The following GIGYF2 variants were observed in gnomAD, a reference collection of about 807,000 sequenced individuals.
GIGYF2 encodes the protein GRB10 interacting GYF protein 2.
GIGYF2 carries 25 observed loss-of-function variants against 208.1 expected under a neutral mutation model. The ratio of observed to expected loss-of-function variants is 0.12; its 90% CI spans 0.09 to 0.17. The LOEUF is 0.17. Among genes scored for constraint, GIGYF2 ranks in the 10% least tolerant of loss-of-function variants. The pLI is 1.00. For missense variants in GIGYF2, 1,302 were observed against 1,579.4 expected (o/e 0.82, Z 2.98); for synonymous variants, 534 against 543.8 (o/e 0.98, Z 0.25).
intron 20 of GIGYF2, among the ~76,000 whole-genome samples, chr2:232,817,622 A>G (rs1700953772): frequency 6.6e-6 from 1 of 152,212 alleles, no homozygotes; most frequent in Non-Finnish European, 1.5e-5. Context: ...TTTCTTATGT[A>G]AGTAGAATTA....
chr2:232,833,217 A>G (rs1701478757), intron 22 of GIGYF2, 124 bp downstream of exon 22: 1 of 468,600 alleles, frequency 2.1e-6, no homozygotes, highest in African/African-American at 2.1e-5. Flanking sequence ...AATATTTTAA[A>G]TTATTTATTT....
chr2:232,705,326 C>A (rs1400806310), intron 2 of GIGYF2: 1 of 152,192 alleles, frequency 6.6e-6, no homozygotes, highest in African/African-American at 2.4e-5. Context: ...TGAAATAATA[C>A]ATTTTTGTAT....
chr2:232,741,620 T>A (rs1697971585), intron 3 of GIGYF2, among the ~76,000 whole-genome samples: 1 of 152,054 alleles, frequency 6.6e-6, no homozygotes, highest in African/African-American at 2.4e-5. Context: ...TACTTGTATT[T>A]TTTAGTAGAG....
intron 8 of GIGYF2, among the ~76,000 whole-genome samples, chr2:232,782,061 G>C (rs1005714048): frequency 6.6e-6 from 1 of 152,124 alleles, no homozygotes; most frequent in Non-Finnish European, 1.5e-5. Flanking sequence ...TGGGGATCAG[G>C]TGCTATGTCT....
At chr2:232,784,271 C>G (rs973467944) in intron 8 of GIGYF2, among the ~76,000 whole-genome samples, 1 of 151,846 alleles carries the variant, frequency 6.6e-6, no homozygotes. Flanking sequence ...CAAGACCAAC[C>G]TAAACAACAT....
chr2:232,754,887 A>G (rs1195514716), intron 5 of GIGYF2, among the ~76,000 whole-genome samples: 1 of 141,118 alleles, frequency 7.1e-6, no homozygotes, highest in Non-Finnish European at 1.5e-5. Context: ...CCTATAAAGT[A>G]AAAAAAAAAA....
intron 8 of GIGYF2, among the ~76,000 whole-genome samples, chr2:232,782,036 G>T (rs1482267905): frequency 6.6e-6 from 1 of 152,118 alleles, no homozygotes; most frequent in Non-Finnish European, 1.5e-5. Flanking sequence ...TTATTTACAT[G>T]TGTGTCCATG....
chr2:232,781,455 A>G (rs1409543839), intron 8 of GIGYF2, among the ~76,000 whole-genome samples: 2 of 148,246 alleles, frequency 1.3e-5, no homozygotes, highest in Non-Finnish European at 3.0e-5. Flanking sequence ...ATGCAGTATA[A>G]TTTTTAGTTA....
chr2:232,749,178 G>A, intron 5 of GIGYF2, 96 bp downstream of exon 5: 3 of 772,242 alleles, frequency 3.9e-6, no homozygotes, highest in Non-Finnish European at 2.4e-6. Flanking sequence ...GGATTATCCT[G>A]CATCCTCATA....
chr2:232,773,214 T>A (rs1699343323), intron 8 of GIGYF2, among the ~76,000 whole-genome samples: 2 of 152,192 alleles, frequency 1.3e-5, no homozygotes, highest in Non-Finnish European at 2.9e-5. Flanking sequence ...CCTTATTTTG[T>A]TAGATTATTT....
chr2:232,700,512 T>A (rs886125132), intron 1 of GIGYF2: 2 of 152,214 alleles, frequency 1.3e-5, no homozygotes, highest in Non-Finnish European at 2.9e-5. Flanking sequence ...AAATTTTGAC[T>A]TTGTTTGCAG....
At chr2:232,712,025 T>C (rs1559375925) in intron 2 of GIGYF2, among the ~76,000 whole-genome samples, 3 of 152,158 alleles carry the variant, frequency 2.0e-5, no homozygotes, top group African/African-American at 2.4e-5. Context: ...TCAGCACTTA[T>C]CAGAAAAGCC....
intron 2 of GIGYF2, among the ~76,000 whole-genome samples, chr2:232,711,273 A>AT (rs1380910048): frequency 2.1e-5 from 2 of 97,096 alleles, no homozygotes; most frequent in Admixed American, 2.1e-4. Flanking sequence ...TTTTTTTTGT[A>AT]TTTTTTTATA....
intron 2 of GIGYF2, chr2:232,729,428 T>C: frequency 1.6e-6 from 1 of 609,500 alleles, no homozygotes; most frequent in South Asian, 3.1e-5. Flanking sequence ...GGTCTCTTTA[T>C]TTGATAATTA....
At chr2:232,763,347 G>A (rs1010288324) in intron 8 of GIGYF2, among the ~76,000 whole-genome samples, 1 of 151,966 alleles carries the variant, frequency 6.6e-6, no homozygotes, top group African/African-American at 2.4e-5. Context: ...TTTATTTGTG[G>A]GAGATACATT....
intron 25 of GIGYF2, among the ~76,000 whole-genome samples, chr2:232,845,027 A>G (rs1344063553): frequency 6.6e-6 from 1 of 152,074 alleles, no homozygotes; most frequent in Non-Finnish European, 1.5e-5. Context: ...TTCTTTCTTC[A>G]ATATACAGTG....
At chr2:232,791,234 A>G (rs1408585835) in intron 11 of GIGYF2, 24 bp from the exon 12 acceptor site, 1 of 1,614,048 alleles carries the variant, frequency 6.2e-7, no homozygotes, top group Non-Finnish European at 8.5e-7. Context: ...TCGTAAGTTC[A>G]ACTAAGATTA....
chr2:232,795,048 G>A, intron 13 of GIGYF2, 104 bp downstream of exon 13: 1 of 859,862 alleles, frequency 1.2e-6, no homozygotes, highest in Non-Finnish European at 2.0e-6. Context: ...TAGATTTTAA[G>A]TACTGGAAAA....
chr2:232,794,560 CT>C (rs1168488172), intron 12 of GIGYF2, among the ~76,000 whole-genome samples, 187 bp from the exon 13 acceptor site: 1 of 152,170 alleles, frequency 6.6e-6, no homozygotes, highest in Non-Finnish European at 1.5e-5. Flanking sequence ...TTTTGTCATT[CT>C]GTGTAGGTAA....
Sources: gnomAD v4.1 joint callset for allele counts (sites outside exome capture counted in the v4.1 genomes callset) on GRCh38, gnomAD v4.1.1 for gene constraint, MANE v1.5 for transcripts, NCBI Gene and HGNC (gene_info 2026-07-23, HGNC 2026-07-21) for gene names.